The following RTL4 variants were observed in gnomAD, a reference collection of about 807,000 sequenced individuals.
The protein encoded by RTL4 is retrotransposon Gag like 4.
In RTL4, 4 loss-of-function variants were observed where a neutral mutation model predicts 5.3. That is an observed-to-expected ratio of 0.75 (90% CI 0.37 to 1.72). RTL4 has a LOEUF of 1.72. Among genes scored for constraint, RTL4 ranks in the 40% most tolerant of loss-of-function variants. RTL4 has a pLI of 0.04. For synonymous variants in RTL4, 98 were observed against 87.3 expected (o/e 1.12, Z -0.68); for missense variants, 260 against 227.1 (o/e 1.14, Z -0.93).
At chrX:112,088,425 A>T in the RTL4 span, among the ~76,000 whole-genome samples, 1 of 111,826 alleles carries the variant, frequency 8.9e-6, no homozygotes, top group Non-Finnish European at 1.9e-5. Context: ...GTTCCATTGT[A>T]TAGATATAAT....
At chrX:112,380,200 G>A in the RTL4 span, among the ~76,000 whole-genome samples, 2 of 107,523 alleles carry the variant, frequency 1.9e-5, no homozygotes, top group South Asian at 4.0e-4. Context: ...AGGCTGGAGC[G>A]CAGTGGCACA....
At chrX:112,449,873 G>T (rs1025443091), upstream of RTL4, among the ~76,000 whole-genome samples, 6 of 112,192 alleles carry the variant, frequency 5.3e-5, no homozygotes, top group Non-Finnish European at 1.1e-4. Flanking sequence ...CAGAGAGAGC[G>T]AGTGACTTGC....
the RTL4 span, among the ~76,000 whole-genome samples, chrX:112,195,212 T>A: frequency 9.0e-6 from 1 of 111,173 alleles, no homozygotes; most frequent in South Asian, 3.8e-4. Flanking sequence ...AAGAGAAGAG[T>A]TGACATGGTG....
the RTL4 span, among the ~76,000 whole-genome samples, chrX:112,169,052 C>A: frequency 4.0e-5 from 1 of 25,299 alleles, no homozygotes; most frequent in Non-Finnish European, 8.0e-5. Flanking sequence ...TTCTTTCTTT[C>A]TTTCTTTCTT....
chrX:112,124,737 A>G, the RTL4 span, among the ~76,000 whole-genome samples: 1 of 110,411 alleles, frequency 9.1e-6, no homozygotes, highest in Non-Finnish European at 1.9e-5. Flanking sequence ...GCAAACCACC[A>G]TGGCACACCT....
At chrX:112,308,195 G>A in the RTL4 span, among the ~76,000 whole-genome samples, 1 of 111,143 alleles carries the variant, frequency 9.0e-6, no homozygotes, top group African/African-American at 3.3e-5. Flanking sequence ...GCCTCTAAGA[G>A]GTCTCGAATC....
chrX:112,156,745 C>T, the RTL4 span, among the ~76,000 whole-genome samples: 3 of 111,334 alleles, frequency 2.7e-5, no homozygotes, highest in Admixed American at 1.9e-4. Context: ...AAGCTGTATA[C>T]CAAGGAAATG....
the RTL4 span, among the ~76,000 whole-genome samples, chrX:112,271,774 A>T: frequency 6.3e-5 from 7 of 111,812 alleles, no homozygotes; most frequent in South Asian, 1.5e-3. Flanking sequence ...TAGTAGGTGT[A>T]TATATTTATG....
the RTL4 span, among the ~76,000 whole-genome samples, chrX:112,382,579 T>A: frequency 1.8e-5 from 2 of 112,482 alleles, no homozygotes; most frequent in African/African-American, 6.5e-5. Context: ...AAATTATATT[T>A]CTTTATAGAG....
the RTL4 span, among the ~76,000 whole-genome samples, chrX:112,392,051 C>A: frequency 9.0e-6 from 1 of 111,674 alleles, no homozygotes; most frequent in Non-Finnish European, 1.9e-5. Flanking sequence ...GATGGAATGG[C>A]CTCCTCTCCT....
the RTL4 span, among the ~76,000 whole-genome samples, chrX:112,085,115 T>A: frequency 3.6e-5 from 4 of 112,397 alleles, no homozygotes; most frequent in Admixed American, 9.4e-5. Context: ...CTTGTCAGCC[T>A]TGGGGCTGGG....
chrX:112,389,275 ATCT>A, the RTL4 span, among the ~76,000 whole-genome samples: 2 of 104,576 alleles, frequency 1.9e-5, no homozygotes, highest in Non-Finnish European at 3.9e-5. Context: ...GTTTACTTAG[ATCT>A]TCTTTTTTTC....
At chrX:112,262,446 C>T in the RTL4 span, among the ~76,000 whole-genome samples, 1 of 112,211 alleles carries the variant, frequency 8.9e-6, no homozygotes, top group Non-Finnish European at 1.9e-5. Flanking sequence ...TGAAAAAATG[C>T]TCATCATCAC....
At chrX:112,135,891 C>T in the RTL4 span, among the ~76,000 whole-genome samples, 2 of 103,656 alleles carry the variant, frequency 1.9e-5, no homozygotes, top group Non-Finnish European at 3.9e-5. Flanking sequence ...ACATATAATA[C>T]ATACATATAT....
the RTL4 span, among the ~76,000 whole-genome samples, chrX:112,279,411 G>A: frequency 0.018 from 1,967 of 111,467 alleles, 36 homozygotes; most frequent in African/African-American, 0.06. Flanking sequence ...AGAAAATGGA[G>A]CCATGTTTTT....
the RTL4 span, among the ~76,000 whole-genome samples, chrX:112,326,422 A>T: frequency 9.0e-6 from 1 of 111,459 alleles, no homozygotes; most frequent in Non-Finnish European, 1.9e-5. Flanking sequence ...GGTCACTTCC[A>T]CCCGAATACT....
chrX:112,218,075 G>T, the RTL4 span, among the ~76,000 whole-genome samples: 1 of 111,836 alleles, frequency 8.9e-6, no homozygotes, highest in African/African-American at 3.3e-5. Flanking sequence ...CTGGAATGGG[G>T]CAAGGGAAAC....
At chrX:112,328,111 T>G in the RTL4 span, among the ~76,000 whole-genome samples, 4 of 107,152 alleles carry the variant, frequency 3.7e-5, no homozygotes, top group Non-Finnish European at 5.8e-5. Flanking sequence ...ACGAGCAAAA[T>G]ACCCAGCTAA....
At chrX:112,312,334 C>G in the RTL4 span, among the ~76,000 whole-genome samples, 1 of 111,632 alleles carries the variant, frequency 9.0e-6, no homozygotes, top group Admixed American at 9.6e-5. Context: ...TAAATGACAG[C>G]TTGTCATTAA....
Sources: gnomAD v4.1 joint callset for allele counts (sites outside exome capture counted in the v4.1 genomes callset) on GRCh38, gnomAD v4.1.1 for gene constraint, MANE v1.5 for transcripts, NCBI Gene and HGNC (gene_info 2026-07-23, HGNC 2026-07-21) for gene names.